The following DENND10 variants were observed in gnomAD, a reference collection of about 807,000 sequenced individuals.
The protein encoded by DENND10 is DENN domain-containing protein 10.
Under a neutral mutation model 43.6 loss-of-function variants are expected in DENND10, and 24 were observed. That is an observed-to-expected ratio of 0.55 (90% CI 0.40 to 0.77). The LOEUF (loss-of-function observed/expected upper bound fraction) is 0.77. Ranked by LOEUF, DENND10 falls within the 30% of genes least tolerant of loss-of-function variation. The pLI is 0.00. For missense variants in DENND10, 303 were observed against 429.9 expected, an observed-to-expected ratio of 0.70 and a Z score of 2.61; for synonymous variants, 125 against 157.6, an observed-to-expected ratio of 0.79 and a Z score of 1.55.
chr10:119,126,371 A>G (rs1160879581), intron 6 of DENND10, among the ~76,000 whole-genome samples: 1 of 152,070 alleles, frequency 6.6e-6, no homozygotes, highest in Non-Finnish European at 1.5e-5. Flanking sequence ...TTTTCGAGGA[A>G]TTTCCATACT....
intron 2 of DENND10, among the ~76,000 whole-genome samples, chr10:119,108,574 T>C (rs1466620863): frequency 6.6e-6 from 1 of 152,176 alleles, no homozygotes; most frequent in Non-Finnish European, 1.5e-5. Context: ...TCTATAAATA[T>C]TTATTGTTGT....
intron 3 of DENND10, among the ~76,000 whole-genome samples, 200 bp downstream of exon 3, chr10:119,112,128 G>A (rs776452573): frequency 1.2e-3 from 183 of 152,066 alleles, no homozygotes; most frequent in Non-Finnish European, 2.1e-3. Context: ...AATGATCTAG[G>A]GGAAGAGAAG....
intron 5 of DENND10, among the ~76,000 whole-genome samples, chr10:119,120,947 C>G (rs1285281340): frequency 6.6e-6 from 1 of 151,880 alleles, no homozygotes; most frequent in East Asian, 1.9e-4. Flanking sequence ...GACAAAGACT[C>G]TTACTTTGAT....
At chr10:119,105,486 T>G in intron 1 of DENND10, 1 of 1,158,844 alleles carries the variant, frequency 8.6e-7, no homozygotes, top group Non-Finnish European at 1.1e-6. Flanking sequence ...GATACCGACA[T>G]GTTGTCCAGG....
chr10:119,129,345 A>G, intron 6 of DENND10, 170 bp from the exon 7 acceptor site: 1 of 596,090 alleles, frequency 1.7e-6, no homozygotes, highest in East Asian at 2.8e-5. Flanking sequence ...GAATATCTTC[A>G]GGCAACTGAT....
chr10:119,124,353 G>A lies in DENND10; in HGVS notation c.694+784G>A, dbSNP rs189312882. Among the ~76,000 whole-genome samples, 682 of 128,788 alleles carry A rather than the reference G, an allele frequency of 5.3e-3. 9 individuals carry two copies. Among genetic ancestry groups the A allele is most frequent in the African/African-American group, 0.019 (642 of 34,556 alleles). The allele number at this position is 128,788 out of a possible 152,430, so 84.5% of individuals were successfully genotyped here. A position where few individuals can be genotyped will look rare whatever the true frequency, so the allele number is the denominator to read the frequency against. On this transcript the variant is annotated intron_variant, in intron 6 of 8. Coordinates refer to ENST00000361432, the MANE Select transcript of DENND10 (RefSeq NM_207009.4). ...CCACCCTGGCCAACATGGGGAAACC[G>A]TATCTCTACTAAAATACCAAAAAAA...
rs2133493466 is a variant in DENND10, at chr10:119,120,529, G to A, written c.593+77G>A. 8.8e-6 allele frequency: 8 copies of A among 907,342 alleles called. No homozygotes were observed. The East Asian group carries it at 2.0e-4, about 22-fold the overall frequency. 56.2% of individuals were successfully genotyped at this position (907,342 alleles called of 1,614,324 possible). ...AGCACTAGATGTTACTGTGTGCTCT[G>A]CTGTGTTGCACATTTGCTATAAATA... On this transcript the variant is annotated intron_variant, in intron 5 of 8. Coordinates refer to ENST00000361432, the MANE Select transcript of DENND10 (RefSeq NM_207009.4).
chr10:119,108,878 T>C (rs1360347288), intron 2 of DENND10, among the ~76,000 whole-genome samples: 3 of 151,760 alleles, frequency 2.0e-5, no homozygotes, highest in Non-Finnish European at 4.4e-5. Context: ...TGGTCGTGAA[T>C]TCCTGACCTC....
rs1339323762 is a variant in DENND10 at position 119,120,400 on chromosome 10, A to T, written c.541A>T (p.Lys181Ter). The change falls in exon 5 of 9, where the codon AAA (lysine) becomes TAA (stop). Residue 181 changes from lysine (K) to a stop codon, truncating the protein, a stop_gained. Coordinates refer to ENST00000361432, the MANE Select transcript of DENND10 (RefSeq NM_207009.4). LOFTEE classifies it high-confidence loss of function. Reference protein sequence around the residue: ...VILHTALMLKKRIVVYHPKIE... With the variant: ...VILHTALMLK ...CTTACACACAGCACTGATGCTAAAG[A>T]AAAGAATTGTGGTGTATCACCCCAA... The T allele has an allele frequency of 6.2e-7, 1 of 1,613,490 alleles. No individual in the cohort carries two copies. Among genetic ancestry groups the T allele is most frequent in the South Asian group, 1.1e-5 (1 of 91,078 alleles).
chr10:119,123,605 C>A, intron 6 of DENND10, 36 bp downstream of exon 6: 11 of 1,033,568 alleles, frequency 1.1e-5, no homozygotes, highest in Non-Finnish European at 1.5e-5. Flanking sequence ...AACTGTTTCA[C>A]TTTTTTTTTT....
intron 1 of DENND10, 27 bp from the exon 2 acceptor site, chr10:119,107,941 C>T: frequency 6.2e-7 from 1 of 1,607,302 alleles, no homozygotes; most frequent in African/African-American, 1.3e-5. Flanking sequence ...GTTTGACATT[C>T]TCACAGTGAC....
intron 8 of DENND10, chr10:119,135,070 CAGG>C (rs1470989868): frequency 6.6e-6 from 1 of 150,814 alleles, no homozygotes; most frequent in East Asian, 2.0e-4. Context: ...GAAGCCGAGG[CAGG>C]AGAATCGCTT....
chr10:119,135,581 T>C (rs769586341), intron 8 of DENND10, among the ~76,000 whole-genome samples: 2 of 151,988 alleles, frequency 1.3e-5, no homozygotes, highest in South Asian at 2.1e-4. Flanking sequence ...ATTCCACTTA[T>C]ATGAGCTATC....
chr10:119,107,902 G>A (rs771403515), intron 1 of DENND10, 66 bp from the exon 2 acceptor site: 4 of 1,447,096 alleles, frequency 2.8e-6, no homozygotes, highest in Admixed American at 3.4e-5. Context: ...GTGTTTCTGA[G>A]TAACCAATCA....
chr10:119,125,764 G>A (rs565840165), intron 6 of DENND10, among the ~76,000 whole-genome samples: 7 of 151,988 alleles, frequency 4.6e-5, no homozygotes, highest in African/African-American at 9.6e-5. Context: ...TGATCCACCC[G>A]CCTCAGCTTC....
chr10:119,109,111 G>C (rs1844845894), intron 2 of DENND10, among the ~76,000 whole-genome samples: 1 of 151,462 alleles, frequency 6.6e-6, no homozygotes, highest in Admixed American at 6.6e-5. Context: ...AGCTACTCGG[G>C]AGGCTGCGGC....
chr10:119,124,663 T>C (rs930590672), intron 6 of DENND10, among the ~76,000 whole-genome samples: 2 of 152,048 alleles, frequency 1.3e-5, no homozygotes, highest in African/African-American at 4.8e-5. Flanking sequence ...GGATTACAGG[T>C]GTCAGCTGCT....
At chr10:119,120,965 A>T (rs1206809962) in intron 5 of DENND10, among the ~76,000 whole-genome samples, 1 of 151,974 alleles carries the variant, frequency 6.6e-6, no homozygotes, top group Non-Finnish European at 1.5e-5. Flanking sequence ...GATAGTACAT[A>T]TAGATTTTTT....
At chr10:119,126,902 C>CTT (rs1312302019) in intron 6 of DENND10, among the ~76,000 whole-genome samples, 5 of 137,510 alleles carry the variant, frequency 3.6e-5, no homozygotes, top group Non-Finnish European at 3.2e-5. Flanking sequence ...TTTTTCTTTT[C>CTT]TTTTTTTTTT....
Sources: allele counts gnomAD v4.1 joint callset (sites outside exome capture counted in the v4.1 genomes callset), GRCh38; gene constraint gnomAD v4.1.1; transcripts MANE v1.5; gene names NCBI Gene and HGNC (gene_info 2026-07-23, HGNC 2026-07-21).